SLIT3: variants seen among roughly 807,000 people sequenced by gnomAD.
SLIT3 encodes slit homolog 3 protein.
In SLIT3, 68 loss-of-function variants were observed where a neutral mutation model predicts 184.0. That is an observed-to-expected ratio of 0.37 (90% CI 0.30 to 0.45). SLIT3 has a LOEUF of 0.45. Among genes scored for constraint, SLIT3 ranks in the 20% least tolerant of loss-of-function variants. The pLI, the probability that SLIT3 is intolerant of heterozygous loss-of-function variation, is 1.00. For synonymous variants in SLIT3, 831 were observed against 828.6 expected (o/e 1.00, Z -0.05); for missense variants, 1,707 against 2,026.0 (o/e 0.84, Z 3.02).
chr5:168,717,684 C>T (rs12521493), intron 23 of SLIT3, among the ~76,000 whole-genome samples: 6,069 of 151,456 alleles, frequency 0.04, 459 homozygotes, highest in Admixed American at 0.19. Flanking sequence ...TTTTTGAGAC[C>T]GAATCTCGCT....
At chr5:169,239,324 T>G (rs1765313354) in intron 3 of SLIT3, among the ~76,000 whole-genome samples, 1 of 152,180 alleles carries the variant, frequency 6.6e-6, no homozygotes, top group East Asian at 1.9e-4. Flanking sequence ...TTACTGGGTT[T>G]TGTTCTCAAG....
intron 4 of SLIT3, among the ~76,000 whole-genome samples, chr5:169,027,115 T>C (rs542774589): frequency 5.3e-5 from 8 of 152,306 alleles, no homozygotes; most frequent in African/African-American, 1.9e-4. Flanking sequence ...CCCAGATTGG[T>C]ATAATATTGC....
chr5:169,088,757 T>C (rs1157055356), intron 4 of SLIT3, among the ~76,000 whole-genome samples: 2 of 152,014 alleles, frequency 1.3e-5, no homozygotes, highest in African/African-American at 2.4e-5. Flanking sequence ...CGGTGGCTCA[T>C]GCCTGTAATC....
chr5:168,880,811 C>T (rs1239203871), intron 5 of SLIT3, among the ~76,000 whole-genome samples: 1 of 152,214 alleles, frequency 6.6e-6, no homozygotes, highest in Non-Finnish European at 1.5e-5. Context: ...GGCTACATTG[C>T]CTAAAGCTGT....
At position 168,792,937 on chromosome 5, in the gene SLIT3, A is replaced by G. The variant is rs142846796; in HGVS notation, c.1007+2570T>C. ...AGTCAAAACTTCATATCATGCACAA[A>G]ATTATTAAAAACTTTGTATAAATTA... On this transcript the variant is annotated intron_variant, in intron 10 of 35. Coordinates refer to ENST00000519560, the MANE Select transcript of SLIT3 (RefSeq NM_003062.4). Among the ~76,000 whole-genome samples the G allele has an allele frequency of 1.7e-3, 258 of 152,326 alleles. 2 individuals are homozygous for G. Among genetic ancestry groups the G allele is most frequent in the African/African-American group, 6.0e-3 (250 of 41,564 alleles).
At chr5:168,931,671 G>A (rs1001343452) in intron 4 of SLIT3, among the ~76,000 whole-genome samples, 3 of 152,216 alleles carry the variant, frequency 2.0e-5, no homozygotes, top group Non-Finnish European at 4.4e-5. Flanking sequence ...CACGGCTGCA[G>A]GCCCAGCCTC....
intron 6 of SLIT3, among the ~76,000 whole-genome samples, chr5:168,843,026 G>C (rs1022412931): frequency 6.6e-6 from 1 of 152,186 alleles, no homozygotes; most frequent in Non-Finnish European, 1.5e-5. Context: ...TCCTCTCTCT[G>C]GCAGACGGGC....
At chr5:168,839,437 C>A (rs933905096) in intron 6 of SLIT3, among the ~76,000 whole-genome samples, 5 of 152,250 alleles carry the variant, frequency 3.3e-5, no homozygotes, top group Non-Finnish European at 7.3e-5. Context: ...TCCCCAGCCA[C>A]AGCTGACTGC....
At chr5:169,157,523 C>T (rs1441924457) in intron 4 of SLIT3, among the ~76,000 whole-genome samples, 1 of 152,152 alleles carries the variant, frequency 6.6e-6, no homozygotes, top group Non-Finnish European at 1.5e-5. Context: ...TTTGGATTTC[C>T]ACCCCTATCT....
chr5:169,017,998 A>G (rs1477628891), intron 4 of SLIT3: 2 of 152,276 alleles, frequency 1.3e-5, no homozygotes, highest in African/African-American at 2.4e-5. Flanking sequence ...TACATCTCCA[A>G]GAAGGAATTC....
chr5:168,749,754 A>C (rs1754635188), intron 18 of SLIT3, 119 bp from the exon 19 acceptor site: 3 of 1,010,980 alleles, frequency 3.0e-6, no homozygotes, highest in African/African-American at 3.2e-5. Context: ...AAGGAAACGT[A>C]GGCTCTTCCC....
At chr5:168,716,342 A>G (rs943494148) in intron 23 of SLIT3, among the ~76,000 whole-genome samples, 5 of 152,072 alleles carry the variant, frequency 3.3e-5, no homozygotes, top group African/African-American at 1.2e-4. Context: ...GAGTTGATAA[A>G]TTCTCTTTAT....
rs201210625 is a variant in SLIT3, at chr5:169,157,245, CCT to C, written c.413+36232_413+36233del. 1.3e-5 allele frequency among the ~76,000 whole-genome samples: 2 copies of C among 150,544 alleles called. 1 individual carries two copies. The highest frequency in any genetic ancestry group is 5.0e-5 in the African/African-American group (2 of 39,888). On this transcript the variant is annotated intron_variant, in intron 4 of 35. Coordinates refer to ENST00000519560, the MANE Select transcript of SLIT3 (RefSeq NM_003062.4). ...CACTTGGCAACAGATAAAAGGTACC[CCT>C]CCCCTGTGACATAATTGTGGGAGTG...
At chr5:168,806,338 G>T (rs1756955477) in intron 9 of SLIT3, 108 bp downstream of exon 9, 1 of 1,222,614 alleles carries the variant, frequency 8.2e-7, no homozygotes, top group East Asian at 2.4e-5. Context: ...GTTTTTAATG[G>T]TCAGCTCCAG....
intron 4 of SLIT3, among the ~76,000 whole-genome samples, chr5:168,933,140 A>G (rs1762047512): frequency 6.6e-6 from 1 of 152,202 alleles, no homozygotes; most frequent in South Asian, 2.1e-4. Context: ...TGGTGAAATA[A>G]GGAAATGGGG....
intron 1 of SLIT3, among the ~76,000 whole-genome samples, chr5:169,271,963 G>A (rs1465627202): frequency 2.6e-5 from 4 of 152,206 alleles, no homozygotes; most frequent in African/African-American, 7.2e-5. Context: ...CACAGTGCTG[G>A]GGAAAAGCAG....
chr5:168,907,979 T>TATAGAGAGAG (rs376418381), intron 4 of SLIT3, among the ~76,000 whole-genome samples: 9 of 50,084 alleles, frequency 1.8e-4, no homozygotes, highest in South Asian at 1.5e-3. Context: ...TATATATATA[T>TATAGAGAGAG]AGAGAGAGAG....
intron 4 of SLIT3, among the ~76,000 whole-genome samples, chr5:169,117,013 G>A (rs1760691729): frequency 6.6e-6 from 1 of 152,170 alleles, no homozygotes; most frequent in South Asian, 2.1e-4. Flanking sequence ...ATATCCAGCA[G>A]GGGGCAGGGA....
At chr5:169,047,898 G>A (rs1757682662) in intron 4 of SLIT3, among the ~76,000 whole-genome samples, 1 of 152,000 alleles carries the variant, frequency 6.6e-6, no homozygotes, top group Non-Finnish European at 1.5e-5. Flanking sequence ...TCCAGAGCAG[G>A]AACTAGGTGA....
Sources: allele counts gnomAD v4.1 joint callset (sites outside exome capture counted in the v4.1 genomes callset), GRCh38; gene constraint gnomAD v4.1.1; transcripts MANE v1.5; gene names NCBI Gene and HGNC (gene_info 2026-07-23, HGNC 2026-07-21).